The following RGL1 variants were observed in gnomAD, a reference collection of about 807,000 sequenced individuals.
RGL1 encodes the protein ral guanine nucleotide dissociation stimulator-like 1.
Under a neutral mutation model 95.2 loss-of-function variants are expected in RGL1, and 24 were observed. That is an observed-to-expected ratio of 0.25 (90% CI 0.18 to 0.35). The LOEUF (loss-of-function observed/expected upper bound fraction) is 0.35, where lower values mean the gene tolerates loss of function less well. RGL1 is among the 10% of genes least tolerant of loss of function. The pLI, the probability that RGL1 is intolerant of heterozygous loss-of-function variation, is 1.00. For synonymous variants in RGL1, 329 were observed against 344.9 expected (o/e 0.95, Z 0.51); for missense variants, 715 against 936.3 (o/e 0.76, Z 3.08).
At chr1:183,739,583 A>G (rs1297022947) in intron 1 of RGL1, among the ~76,000 whole-genome samples, 1 of 152,212 alleles carries the variant, frequency 6.6e-6, no homozygotes, top group Admixed American at 6.5e-5. Flanking sequence ...GTGGAAGCTC[A>G]AGATATATTG....
chr1:183,913,893 G>T (rs1369481655), intron 15 of RGL1, among the ~76,000 whole-genome samples: 2 of 152,170 alleles, frequency 1.3e-5, no homozygotes, highest in African/African-American at 4.8e-5. Flanking sequence ...AAATCCAGGG[G>T]ATACAATCAT....
chr1:183,877,721 A>T (rs962165183), intron 4 of RGL1, among the ~76,000 whole-genome samples: 1 of 152,198 alleles, frequency 6.6e-6, no homozygotes. Flanking sequence ...GTTTGTGGTG[A>T]ACTTTCAAAG....
Position 183,642,321 on chromosome 1 carries a change from C to T in RGL1, c.-33+5820C>T, listed in dbSNP as rs543341210. On this transcript the variant is annotated intron_variant, in intron 1 of 18. Coordinates refer to the RGL1 transcript ENST00000304685. ...TCTATAGCCTAGAAATTAGTGTTCC[C>T]ATTTTATGAATGAGTAAACTAAAGC... Among the ~76,000 whole-genome samples, 32 of 152,206 alleles carry T rather than the reference C, an allele frequency of 2.1e-4. 1 individual carries two copies. In the South Asian group the frequency reaches 5.6e-3, roughly 27 times the overall value.
intron 2 of RGL1, among the ~76,000 whole-genome samples, chr1:183,823,202 T>G (rs1662615118): frequency 6.6e-6 from 1 of 152,204 alleles, no homozygotes; most frequent in African/African-American, 2.4e-5. Context: ...AACTGTGTTA[T>G]TGTATGGAAC....
intron 8 of RGL1, 29 bp from the exon 9 acceptor site, chr1:183,892,048 G>A (rs767409377): frequency 3.2e-6 from 5 of 1,562,430 alleles, no homozygotes; most frequent in Non-Finnish European, 4.4e-6. Context: ...ACTCTTCATT[G>A]TTAATATTTT....
At chr1:183,829,858 C>T (rs564285469) in intron 2 of RGL1, among the ~76,000 whole-genome samples, 291 of 51,540 alleles carry the variant, frequency 5.6e-3, no homozygotes, top group African/African-American at 0.019. Context: ...CCCATGTTTC[C>T]TCGTGAAATT....
At chr1:183,810,698 C>A (rs1469711837) in intron 2 of RGL1, among the ~76,000 whole-genome samples, 1 of 152,190 alleles carries the variant, frequency 6.6e-6, no homozygotes, top group Non-Finnish European at 1.5e-5. Flanking sequence ...TTGACTCTCA[C>A]TTGGATGTTC....
chr1:183,720,723 T>C (rs1655972039), intron 1 of RGL1, among the ~76,000 whole-genome samples: 1 of 151,792 alleles, frequency 6.6e-6, no homozygotes, highest in Non-Finnish European at 1.5e-5. Flanking sequence ...GGGGAGAGAG[T>C]AGGAGTTTAC....
At chr1:183,911,100 G>A (rs964074025) in intron 14 of RGL1, among the ~76,000 whole-genome samples, 2 of 152,066 alleles carry the variant, frequency 1.3e-5, no homozygotes, top group Admixed American at 6.6e-5. Context: ...TCTGAAGCCT[G>A]GGCTGAAGGT....
intron 2 of RGL1, among the ~76,000 whole-genome samples, chr1:183,828,235 C>G (rs1040385758): frequency 6.6e-6 from 1 of 152,130 alleles, no homozygotes; most frequent in Admixed American, 6.5e-5. Flanking sequence ...GTCACATGAC[C>G]TTTATCCTGT....
intron 3 of RGL1, among the ~76,000 whole-genome samples, chr1:183,851,506 T>C (rs1234893479): frequency 1.3e-5 from 2 of 152,194 alleles, no homozygotes; most frequent in Non-Finnish European, 2.9e-5. Context: ...TGGCTTCAAA[T>C]TACATATCCA....
intron 1 of RGL1, among the ~76,000 whole-genome samples, chr1:183,712,760 C>G (rs949802404): frequency 1.4e-4 from 21 of 152,096 alleles, no homozygotes; most frequent in African/African-American, 5.1e-4. Context: ...GACCTTAATC[C>G]CAGCTCCTAA....
chr1:183,890,955 G>A (rs1017036558), intron 8 of RGL1, among the ~76,000 whole-genome samples: 2 of 152,132 alleles, frequency 1.3e-5, no homozygotes, highest in African/African-American at 2.4e-5. Context: ...TCAATGATAT[G>A]TGGATTATAT....
At chr1:183,744,700 T>A (rs1004759778) in intron 2 of RGL1, among the ~76,000 whole-genome samples, 4 of 152,228 alleles carry the variant, frequency 2.6e-5, no homozygotes, top group African/African-American at 9.6e-5. Flanking sequence ...AGCTTGTTTT[T>A]TTGTTTCTAT....
chr1:183,750,318 A>C (rs1572366243), intron 2 of RGL1, among the ~76,000 whole-genome samples: 1 of 151,888 alleles, frequency 6.6e-6, no homozygotes, highest in Non-Finnish European at 1.5e-5. Context: ...TTGATCTTCA[A>C]TCTCTAATAT....
intron 1 of RGL1, among the ~76,000 whole-genome samples, chr1:183,741,902 A>G (rs1657331858): frequency 6.6e-6 from 1 of 152,166 alleles, no homozygotes; most frequent in Non-Finnish European, 1.5e-5. Flanking sequence ...TAAAATTTGT[A>G]TCAGTTTGCC....
At chr1:183,735,490 C>A (rs941608177) in intron 1 of RGL1, among the ~76,000 whole-genome samples, 3 of 152,064 alleles carry the variant, frequency 2.0e-5, no homozygotes, top group African/African-American at 7.2e-5. Context: ...TAATCTTGCT[C>A]TTAAAGAGCT....
chr1:183,772,435 C>A (rs7520591), intron 2 of RGL1, among the ~76,000 whole-genome samples: 97,276 of 152,018 alleles, frequency 0.64, 31,361 homozygotes, highest in East Asian at 0.83. Context: ...TCACTTTAAG[C>A]GGGCAGAAAT....
intron 1 of RGL1, among the ~76,000 whole-genome samples, chr1:183,693,223 G>A (rs1236726298): frequency 1.3e-5 from 2 of 152,114 alleles, no homozygotes; most frequent in Admixed American, 6.5e-5. Flanking sequence ...CAAAGTGCTG[G>A]GATTACAGGC....
Sources: gnomAD v4.1 joint callset for allele counts (sites outside exome capture counted in the v4.1 genomes callset) on GRCh38, gnomAD v4.1.1 for gene constraint, MANE v1.5 for transcripts, NCBI Gene and HGNC (gene_info 2026-07-23, HGNC 2026-07-21) for gene names.